The following UNC5A variants were observed in gnomAD, a reference collection of about 807,000 sequenced individuals.
The protein encoded by UNC5A is unc-5 netrin receptor A, also known as netrin receptor UNC5A.
In UNC5A, 20 loss-of-function variants were observed where a neutral mutation model predicts 87.4. The ratio of observed to expected loss-of-function variants is 0.23; its 90% CI spans 0.16 to 0.33. The LOEUF is 0.33. Ranked by LOEUF, UNC5A falls within the 10% of genes least tolerant of loss-of-function variation. The pLI, the probability that UNC5A is intolerant of heterozygous loss-of-function variation, is 1.00. For synonymous variants in UNC5A, 438 were observed against 482.3 expected, an observed-to-expected ratio of 0.91 and a Z score of 1.20; for missense variants, 844 against 1,133.4, an observed-to-expected ratio of 0.74 and a Z score of 3.67.
At chr5:176,820,427 A>G (rs1756700497) in intron 1 of UNC5A, among the ~76,000 whole-genome samples, 1 of 152,196 alleles carries the variant, frequency 6.6e-6, no homozygotes, top group Admixed American at 6.5e-5. Flanking sequence ...AAAGAAAAAA[A>G]TAGAAAACAA....
At chr5:176,815,791 G>A (rs2113579101) in intron 1 of UNC5A, among the ~76,000 whole-genome samples, 1 of 152,266 alleles carries the variant, frequency 6.6e-6, no homozygotes, top group Middle Eastern at 3.4e-3. Context: ...GGCCCCTTCT[G>A]GTTGGAAGAA....
At chr5:176,860,584 C>T (rs1199902845) in intron 1 of UNC5A, among the ~76,000 whole-genome samples, 1 of 152,158 alleles carries the variant, frequency 6.6e-6, no homozygotes, top group Non-Finnish European at 1.5e-5. Context: ...AGTGTCTCAG[C>T]TGGAGGCTCT....
At chr5:176,853,533 G>A (rs1028012459) in intron 1 of UNC5A, among the ~76,000 whole-genome samples, 9 of 152,206 alleles carry the variant, frequency 5.9e-5, no homozygotes, top group Non-Finnish European at 1.2e-4. Flanking sequence ...ACTTTCCTCC[G>A]ATCTCGGGGA....
At chr5:176,847,004 G>C (rs75492309) in intron 1 of UNC5A, among the ~76,000 whole-genome samples, 2 of 152,076 alleles carry the variant, frequency 1.3e-5, no homozygotes, top group Non-Finnish European at 2.9e-5. Context: ...CACAGGGAGC[G>C]CCCCCGTCAA....
At chr5:176,813,746 G>A (rs1389537125) in intron 1 of UNC5A, among the ~76,000 whole-genome samples, 1 of 152,224 alleles carries the variant, frequency 6.6e-6, no homozygotes, top group South Asian at 2.1e-4. Flanking sequence ...CCTTCTTCCT[G>A]CCTAGTGCTG....
At chr5:176,862,258 C>T (rs1016425747) in intron 1 of UNC5A, among the ~76,000 whole-genome samples, 2 of 152,210 alleles carry the variant, frequency 1.3e-5, no homozygotes, top group Non-Finnish European at 2.9e-5. Flanking sequence ...TGGCCAGGGA[C>T]CTTCTCACCT....
chr5:176,816,805 C>A (rs1180327277), intron 1 of UNC5A, among the ~76,000 whole-genome samples: 1 of 152,264 alleles, frequency 6.6e-6, no homozygotes, highest in Non-Finnish European at 1.5e-5. Flanking sequence ...GGGCACTGTT[C>A]AGTCCTCTCC....
At chr5:176,872,210 C>CG (rs1384882811) in intron 6 of UNC5A, among the ~76,000 whole-genome samples, 3 of 60,168 alleles carry the variant, frequency 5.0e-5, no homozygotes, top group Admixed American at 3.3e-4. Flanking sequence ...TGCCCACACT[C>CG]ACCAACACCA....
chr5:176,841,098 G>A lies in UNC5A; in HGVS notation c.71-21526G>A, dbSNP rs999622670. Among the ~76,000 whole-genome samples, 2 of 152,370 alleles carry A rather than the reference G, an allele frequency of 1.3e-5. No individual in the cohort carries two copies. The highest frequency in any genetic ancestry group is 2.1e-4 in the South Asian group (1 of 4,828). ...TTGAAAGCTGTGGCAGGCAACGGGA[G>A]TGTCAGAAACTGTTCTCATCTCTTC... On this transcript the variant is annotated intron_variant, in intron 1 of 14. Transcript: ENST00000329542. This position sits in a 1 kb window ranked among gnomAD's most constrained non-coding sequence, Gnocchi z 4.1.
intron 1 of UNC5A, among the ~76,000 whole-genome samples, chr5:176,854,380 T>A (rs1034669381): frequency 3.9e-5 from 6 of 152,154 alleles, no homozygotes; most frequent in African/African-American, 1.4e-4. Context: ...CAGAACTGTG[T>A]ATGTTTAAAA....
chr5:176,877,930 C>G lies in UNC5A; in HGVS notation c.1672C>G (p.Leu558Val). The G allele has an allele frequency of 1.2e-6, 2 of 1,603,456 alleles. No homozygotes were observed. Among genetic ancestry groups the G allele is most frequent in the East Asian group, 4.5e-5 (2 of 44,870 alleles). Reference sequence around the variant, plus strand: ...CCTGGGCGAGGAGGCGCCCTCCCACCTCTACTACTGCCAGCTGGAGGCCAG... The same window carrying G: ...CCTGGGCGAGGAGGCGCCCTCCCACGTCTACTACTGCCAGCTGGAGGCCAG... Reference protein sequence around the residue: ...LHLGEEAPSHLYYCQLEASAC... With the variant: ...LHLGEEAPSHVYYCQLEASAC... The change falls in exon 11 of 15, where the codon CTC becomes GTC. Residue 558 changes from leucine to valine, a missense_variant. Physicochemically the swap from Leu to Val is conservative, Grantham distance 32. This residue lies in a region of UNC5A where 353 missense variants were observed against 387.5 expected (regional missense o/e 0.91). Coordinates refer to ENST00000329542, the MANE Select transcript of UNC5A (RefSeq NM_133369.3).
intron 5 of UNC5A, 28 bp from the exon 6 acceptor site, chr5:176,870,342 G>A (rs544831702): frequency 1.5e-5 from 24 of 1,608,010 alleles, no homozygotes; most frequent in Middle Eastern, 2.2e-4. Flanking sequence ...TGACCGCACC[G>A]TCTCCTCTCT....
chr5:176,829,349 A>G (rs796332517), intron 1 of UNC5A, among the ~76,000 whole-genome samples: 185 of 142,994 alleles, frequency 1.3e-3, no homozygotes, highest in Non-Finnish European at 2.5e-3. Flanking sequence ...GGATGGATGG[A>G]TGGATGGATG....
intron 1 of UNC5A, among the ~76,000 whole-genome samples, chr5:176,842,273 G>A (rs1289829478): frequency 2.6e-5 from 4 of 152,204 alleles, no homozygotes; most frequent in Admixed American, 6.5e-5. Flanking sequence ...ACTGCTGGTG[G>A]GAATGTAAAC....
chr5:176,853,584 T>C (rs55732320), intron 1 of UNC5A, among the ~76,000 whole-genome samples: 17,107 of 152,214 alleles, frequency 0.11, 1,288 homozygotes, highest in African/African-American at 0.2. Context: ...CACACGTTAC[T>C]ATGGAAACCA....
chr5:176,859,271 A>G lies in UNC5A; in HGVS notation c.71-3353A>G, dbSNP rs77088814. Among the ~76,000 whole-genome samples the G allele has an allele frequency of 4.6e-4, 14 of 30,184 alleles. 1 individual carries two copies. The South Asian group carries it at 4.6e-3, about 10-fold the overall frequency. The allele number at this position is 30,184 out of a possible 152,430, so 19.8% of individuals were successfully genotyped here. A position where few individuals can be genotyped will look rare whatever the true frequency, so the allele number is the denominator to read the frequency against. On this transcript the variant is annotated intron_variant, in intron 1 of 14. Transcript: ENST00000329542. ...CTAGAATGCCCTTGCTAGAGGGCAT[A>G]GCTGCTACAATGTCCTTGCTAGAGG...
intron 1 of UNC5A, among the ~76,000 whole-genome samples, chr5:176,849,818 C>G (rs1177397652): frequency 2.0e-5 from 3 of 152,210 alleles, no homozygotes; most frequent in Non-Finnish European, 4.4e-5. Context: ...TGTGCCCCAG[C>G]CCCCAGCAAG....
chr5:176,843,653 T>G (rs1477119262), intron 1 of UNC5A, among the ~76,000 whole-genome samples: 2 of 152,224 alleles, frequency 1.3e-5, no homozygotes, highest in Non-Finnish European at 2.9e-5. Context: ...GCTGCTCTTA[T>G]TATTATTAGT....
chr5:176,880,172 G>T lies in UNC5A; in HGVS notation c.*286G>T. 2.6e-6 allele frequency: 1 copy of T among 389,046 alleles called. No individual in the cohort carries two copies. Among genetic ancestry groups the T allele is most frequent in the Non-Finnish European group, 4.7e-6 (1 of 211,874 alleles). The allele number at this position is 389,046 out of a possible 1,614,324, so 24.1% of individuals were successfully genotyped here. On this transcript the variant is annotated 3_prime_UTR_variant, in exon 15 of 15. Transcript: ENST00000329542. ...CCAGCCCATCTGTGTGTGTGTATGT[G>T]CGTGTGATGCTACCTCTCCTCCCGT...
Sources: allele counts gnomAD v4.1 joint callset (sites outside exome capture counted in the v4.1 genomes callset), GRCh38; gene constraint gnomAD v4.1.1; regional missense constraint gnomAD v4.1.1; non-coding constraint Gnocchi (gnomAD v3.1); transcripts MANE v1.5; gene names NCBI Gene and HGNC (gene_info 2026-07-23, HGNC 2026-07-21).